SNPH: variants seen among roughly 807,000 people sequenced by gnomAD.
The protein encoded by SNPH is syntaphilin.
Under a neutral mutation model 36.8 loss-of-function variants are expected in SNPH, and 10 were observed. That is an observed-to-expected ratio of 0.27 (90% confidence interval 0.17 to 0.46). The LOEUF (loss-of-function observed/expected upper bound fraction) is 0.46, where lower values mean the gene tolerates loss of function less well. Ranked by LOEUF, SNPH falls within the 20% of genes least tolerant of loss-of-function variation. The pLI is 1.00. For missense variants in SNPH, 622 were observed against 744.0 expected (o/e 0.84, Z 1.91); for synonymous variants, 281 against 312.2 (o/e 0.90, Z 1.05).
chr20:1,305,339 C>A lies in SNPH; in HGVS notation c.902C>A (p.Ala301Glu). ...GATGACACACTGAGCCGGACGGACG[C>A]GCTGGAAGCCAGCAGCCTGCTGTCG... The part of the protein sequence containing the change: ...AADDTLSRTD[A>E]LEASSLLSSG... Residue 301 changes from alanine (A) to glutamate (E), a missense_variant, in exon 7 of 7, where the codon GCG (alanine) becomes GAG (glutamate). Ala to Glu is a moderately radical substitution (Grantham distance 107, BLOSUM62 -1). Coordinates refer to ENST00000381867, the MANE Select transcript of SNPH (RefSeq NM_001318234.2). The A allele has an allele frequency of 6.2e-7, 1 of 1,611,248 alleles. No homozygotes were observed. Among genetic ancestry groups the A allele is most frequent in the Non-Finnish European group, 8.5e-7 (1 of 1,179,588 alleles).
At chr20:1,301,165 G>A (rs755531082) in intron 6 of SNPH, among the ~76,000 whole-genome samples, 2 of 152,166 alleles carry the variant, frequency 1.3e-5, no homozygotes, top group African/African-American at 2.4e-5. Flanking sequence ...GGCCAACCTC[G>A]ACTTCAGGCC....
At position 1,304,979 on chromosome 20, in the gene SNPH, A is replaced by C; in HGVS notation, c.542A>C (p.Glu181Ala). 6.2e-7 allele frequency: 1 copy of C among 1,613,984 alleles called. No homozygotes were observed. Among genetic ancestry groups the C allele is most frequent in the Non-Finnish European group, 8.5e-7 (1 of 1,180,044 alleles). Residue 181 changes from glutamate (E) to alanine (A), a missense_variant, in exon 7 of 7, where the codon GAG (glutamate) becomes GCG (alanine). Physicochemically the swap from Glu to Ala is moderately radical, Grantham distance 107 (BLOSUM62 -1). Transcript: ENST00000381867. The surrounding 1 kb of genome is among the most constrained non-coding windows in gnomAD (Gnocchi z 4.3). ...GTGGAGGCCCAGCTGGCCCTGAAGG[A>C]GGCCCGAAAGGAGATCAAGCAGCTC... ...HRVEAQLALK[E>A]ARKEIKQLKQ... is the part of the protein sequence containing the mutation.
rs981917640 is a variant in SNPH at position 1,304,818 on chromosome 20, T to C, written c.441-60T>C. 1.6e-5 allele frequency: 24 copies of C among 1,527,694 alleles called. No homozygotes were observed. The highest frequency in any genetic ancestry group is 2.2e-5 in the Non-Finnish European group (24 of 1,115,806). 94.6% of individuals were successfully genotyped at this position (1,527,694 alleles called of 1,614,324 possible). Reference sequence around the variant, plus strand: ...AACAGTGTCCTCTCCCTGCCTCTCCTTGGCGGTGACAGACCAGGCAGGCAG... The same window carrying C: ...AACAGTGTCCTCTCCCTGCCTCTCCCTGGCGGTGACAGACCAGGCAGGCAG... On this transcript the variant is annotated intron_variant, in intron 6 of 6. Coordinates refer to ENST00000381867, the MANE Select transcript of SNPH (RefSeq NM_001318234.2). This position sits in a 1 kb window ranked among gnomAD's most constrained non-coding sequence, Gnocchi z 4.3.
In SNPH at chr20:1,305,199, C is replaced by G. The variant is rs370636304; in HGVS notation, c.762C>G (p.Thr254=). The change falls in exon 7 of 7, where the codon ACC becomes ACG. Residue 254 remains threonine, a synonymous_variant. Coordinates refer to ENST00000381867, the MANE Select transcript of SNPH (RefSeq NM_001318234.2). ...SAGGSPARSL[T]RSSTYTKLSD... is the part of the protein sequence containing the mutation. The stretch of plus-strand genomic sequence containing the variant: ...GTGGGTCCCCTGCCCGCTCCCTCAC[C>G]CGCAGCTCCACCTACACCAAGCTGA... 3 of 1,612,004 alleles carry G rather than the reference C, an allele frequency of 1.9e-6. No homozygotes were observed. Among genetic ancestry groups the G allele is most frequent in the Non-Finnish European group, 2.5e-6 (3 of 1,179,644 alleles).
In SNPH at chr20:1,276,327, T is replaced by A. The variant is rs536125420; in HGVS notation, c.-493+9567T>A. Reference sequence around the variant, plus strand: ...TGTAAGGAATCCCTGAGGCCAGCCATCCAGATGAAAAAGCCCAGGATCCAA... The same window carrying A: ...TGTAAGGAATCCCTGAGGCCAGCCAACCAGATGAAAAAGCCCAGGATCCAA... On this transcript the variant is annotated intron_variant, in intron 2 of 6. Transcript: ENST00000381867. The surrounding 1 kb of genome is among the most constrained non-coding windows in gnomAD (Gnocchi z 4.6). 6.6e-6 allele frequency among the ~76,000 whole-genome samples: 1 copy of A among 152,242 alleles called. No homozygotes were observed. The highest frequency in any genetic ancestry group is 2.4e-5 in the African/African-American group (1 of 41,558).
At chr20:1,300,816 T>C in intron 6 of SNPH, 105 bp downstream of exon 6, 3 of 1,144,090 alleles carry the variant, frequency 2.6e-6, no homozygotes, top group Non-Finnish European at 3.6e-6. Context: ...GCTGGGGGTC[T>C]CCCAGCATCC....
At chr20:1,299,332 C>A (rs953128625) in intron 5 of SNPH, among the ~76,000 whole-genome samples, 2 of 152,216 alleles carry the variant, frequency 1.3e-5, no homozygotes, top group Admixed American at 1.3e-4. Flanking sequence ...CAGTCACTCT[C>A]CCCTCAAGGA....
chr20:1,303,184 C>G (rs891046640), intron 6 of SNPH, among the ~76,000 whole-genome samples: 12 of 152,368 alleles, frequency 7.9e-5, no homozygotes, highest in African/African-American at 2.4e-4. Context: ...ACCTTCTGTT[C>G]CTCAAAGACA....
chr20:1,266,522 C>T lies in SNPH; in HGVS notation c.-600+125C>T. 7.8e-7 allele frequency: 1 copy of T among 1,281,280 alleles called. No homozygotes were observed. Among genetic ancestry groups the T allele is most frequent in the Non-Finnish European group, 1.0e-6 (1 of 989,136 alleles). 79.4% of individuals were successfully genotyped at this position (1,281,280 alleles called of 1,614,324 possible). A position where few individuals can be genotyped will look rare whatever the true frequency, so the allele number is the denominator to read the frequency against. ...CCGCGAGGAGGAGGGGACGGAGCAC[C>T]CGGCAGGCAGCCTGCCCTCCAAGCC... On this transcript the variant is annotated intron_variant, in intron 1 of 6. Coordinates refer to ENST00000381867, the MANE Select transcript of SNPH (RefSeq NM_001318234.2). This position sits in a 1 kb window ranked among gnomAD's most constrained non-coding sequence, Gnocchi z 6.0.
intron 2 of SNPH, among the ~76,000 whole-genome samples, chr20:1,289,962 G>C (rs2088336721): frequency 6.6e-6 from 1 of 151,938 alleles, no homozygotes. Context: ...CCAGCACTTT[G>C]GGAGCAGGGA....
chr20:1,266,808 G>C lies in SNPH; in HGVS notation c.-493+48G>C, dbSNP rs554135924. The C allele has an allele frequency of 3.8e-6, 5 of 1,306,466 alleles. No individual in the cohort carries two copies. In the South Asian group the frequency reaches 8.9e-5, roughly 23 times the overall value. The allele number at this position is 1,306,466 out of a possible 1,614,324, so 80.9% of individuals were successfully genotyped here. On this transcript the variant is annotated intron_variant, in intron 2 of 6. Transcript: ENST00000381867. The surrounding 1 kb of genome is among the most constrained non-coding windows in gnomAD (Gnocchi z 6.0). ...GGGAGCTGGCCCTGCGCTGCACCGC[G>C]GCAGGTGGGGGCCGCTTGCAACCGC... is the stretch of plus-strand genomic sequence containing the variant.
intron 4 of SNPH, among the ~76,000 whole-genome samples, chr20:1,296,724 A>C (rs1424199367): frequency 1.3e-5 from 2 of 152,034 alleles, no homozygotes. Context: ...ACTCAGACTC[A>C]CTTGGTGTCC....
At chr20:1,293,668 C>T (rs903279697) in intron 2 of SNPH, among the ~76,000 whole-genome samples, 1 of 152,216 alleles carries the variant, frequency 6.6e-6, no homozygotes, top group Non-Finnish European at 1.5e-5. Context: ...TGCAAGGTCC[C>T]ATCCCAGCAG....
At chr20:1,268,875 A>G (rs1451529252) in intron 2 of SNPH, among the ~76,000 whole-genome samples, 1 of 152,186 alleles carries the variant, frequency 6.6e-6, no homozygotes, top group Admixed American at 6.5e-5. Context: ...AGCTACTGTT[A>G]TTATTGCTAT....
chr20:1,299,456 A>G (rs1405884976), intron 5 of SNPH, among the ~76,000 whole-genome samples: 1 of 152,254 alleles, frequency 6.6e-6, no homozygotes, highest in East Asian at 1.9e-4. Context: ...CAGGACACTG[A>G]GAATAGAGCT....
chr20:1,298,189 C>A (rs1479315902), intron 5 of SNPH, among the ~76,000 whole-genome samples: 2 of 152,216 alleles, frequency 1.3e-5, no homozygotes, highest in Admixed American at 1.3e-4. Context: ...CATTTCCTTT[C>A]TTTAAAGTGG....
Position 1,300,727 on chromosome 20 carries a change from C to T in SNPH, c.440+16C>T, listed in dbSNP as rs200172800. 3.5e-3 allele frequency: 5,647 copies of T among 1,604,534 alleles called. 21 individuals are homozygous for T. The highest frequency in any genetic ancestry group is 0.011 in the Middle Eastern group (48 of 4,420). On this transcript the variant is annotated intron_variant, in intron 6 of 6. Transcript: ENST00000381867. ...TCCAGGACCGGTGAGCGGGTGGCCA[C>T]GAGCAGCCCTGGGGGTACCCCACCA...
chr20:1,278,043 T>C (rs1399701063), intron 2 of SNPH, among the ~76,000 whole-genome samples: 8 of 74,990 alleles, frequency 1.1e-4, no homozygotes, highest in Non-Finnish European at 2.2e-4. Flanking sequence ...TGTGTATGTG[T>C]GCCTGTGTGT....
In SNPH at chr20:1,306,034, G is replaced by T; in HGVS notation, c.1597G>T (p.Gly533Cys). 2.0e-6 allele frequency: 3 copies of T among 1,480,238 alleles called. No homozygotes were observed. In the South Asian group the frequency reaches 4.0e-5, roughly 20 times the overall value. The allele number at this position is 1,480,238 out of a possible 1,614,324, so 91.7% of individuals were successfully genotyped here. The change falls in exon 7 of 7, where the codon GGC becomes TGC. Residue 533 changes from glycine to cysteine, a missense_variant. Transcript: ENST00000381867. ...SLSQPSPSPA[G>C]GGSQL The stretch of plus-strand genomic sequence containing the variant: ...GAGCCAGCCGAGTCCCAGCCCAGCG[G>T]GCGGCGGCTCCCAGCTCTGAGGGGG...
Sources: allele counts gnomAD v4.1 joint callset (sites outside exome capture counted in the v4.1 genomes callset), GRCh38; gene constraint gnomAD v4.1.1; non-coding constraint Gnocchi (gnomAD v3.1); transcripts MANE v1.5; gene names NCBI Gene and HGNC (gene_info 2026-07-23, HGNC 2026-07-21).